The following CTNNA2 variants were observed in gnomAD, a reference collection of about 807,000 sequenced individuals.
The protein encoded by CTNNA2 is catenin alpha 2.
A neutral mutation model predicts 101.0 loss-of-function variants in CTNNA2; 42 were observed. The ratio of observed to expected loss-of-function variants is 0.42; its 90% CI spans 0.32 to 0.54. The LOEUF (loss-of-function observed/expected upper bound fraction) is 0.54. CTNNA2 is among the 20% of genes least tolerant of loss of function. The pLI is 0.14. For synonymous variants in CTNNA2, 450 were observed against 456.4 expected, an observed-to-expected ratio of 0.99 and a Z score of 0.18; for missense variants, 871 against 1,223.1, an observed-to-expected ratio of 0.71 and a Z score of 4.29.
chr2:79,982,181 G>T (rs1691323262), intron 7 of CTNNA2, among the ~76,000 whole-genome samples: 1 of 104,016 alleles, frequency 9.6e-6, no homozygotes, highest in Non-Finnish European at 1.8e-5. Flanking sequence ...TGAGACCACA[G>T]GCATGTGCCA....
At chr2:79,815,988 A>G (rs1300993667) in intron 3 of CTNNA2, among the ~76,000 whole-genome samples, 1 of 137,294 alleles carries the variant, frequency 7.3e-6, no homozygotes, top group African/African-American at 3.2e-5. Context: ...GGTTAGGTGT[A>G]TTCCTAAGTA....
chr2:79,624,870 G>T (rs60772909), intron 1 of CTNNA2, among the ~76,000 whole-genome samples: 2 of 152,164 alleles, frequency 1.3e-5, no homozygotes, highest in African/African-American at 4.8e-5. Context: ...TTCTGCCCCA[G>T]TCTGGGCATG....
intron 7 of CTNNA2, among the ~76,000 whole-genome samples, chr2:80,040,752 A>G (rs533622422): frequency 6.6e-6 from 1 of 152,304 alleles, no homozygotes; most frequent in South Asian, 2.1e-4. Flanking sequence ...CGAAGATTTT[A>G]CTGTCTCAAT....
chr2:79,303,660 A>G (rs78253881), intron 2 of CTNNA2, among the ~76,000 whole-genome samples: 1 of 151,994 alleles, frequency 6.6e-6, no homozygotes, highest in African/African-American at 2.4e-5. Flanking sequence ...AGCCCTGATG[A>G]GGAAAGGGTT....
intron 2 of CTNNA2, among the ~76,000 whole-genome samples, chr2:79,656,662 A>C (rs555034407): frequency 6.6e-6 from 1 of 152,178 alleles, no homozygotes; most frequent in Admixed American, 6.6e-5. Context: ...GAAATTGTAC[A>C]TTATTAAAAT....
rs1682796644 is a variant in CTNNA2, at chr2:79,873,947, G to A, written c.586-129G>A. ...ACAAAAGAGTATATGCAAAGGCCTGGCAGCTAGAAACAGCACAAGGGTTTC... is the reference window on the plus strand; with the variant it reads ...ACAAAAGAGTATATGCAAAGGCCTGACAGCTAGAAACAGCACAAGGGTTTC... On this transcript the variant is annotated intron_variant, in intron 5 of 18. Transcript: ENST00000402739. 1.3e-4 allele frequency: 184 copies of A among 1,400,460 alleles called. 2 individuals carry two copies. The South Asian group carries it at 2.4e-3, about 18-fold the overall frequency. 86.8% of individuals were successfully genotyped at this position (1,400,460 alleles called of 1,614,324 possible). A position where few individuals can be genotyped will look rare whatever the true frequency, so the allele number is the denominator to read the frequency against.
intron 4 of CTNNA2, among the ~76,000 whole-genome samples, chr2:79,500,379 C>T (rs915083106): frequency 2.0e-5 from 3 of 152,256 alleles, no homozygotes; most frequent in Middle Eastern, 3.4e-3. Flanking sequence ...GGGATACAAA[C>T]AGTAATTATA....
At chr2:79,538,349 A>AT (rs201323583) in intron 1 of CTNNA2, among the ~76,000 whole-genome samples, 3,497 of 152,200 alleles carry the variant, frequency 0.023, 149 homozygotes, top group African/African-American at 0.081. Flanking sequence ...AGCTGTTATG[A>AT]TTTTTTTCTC....
chr2:79,275,329 C>T (rs532725709), intron 2 of CTNNA2, among the ~76,000 whole-genome samples: 11 of 151,828 alleles, frequency 7.2e-5, no homozygotes, highest in South Asian at 4.2e-4. Flanking sequence ...TGGACTGATA[C>T]GGGAATGGCC....
intron 9 of CTNNA2, among the ~76,000 whole-genome samples, chr2:80,431,194 G>T (rs1022325028): frequency 6.6e-5 from 10 of 152,098 alleles, no homozygotes; most frequent in African/African-American, 2.4e-4. Flanking sequence ...TGAGTTTTCA[G>T]GTTTCTTTGA....
At chr2:80,601,417 C>CTTTTTTTTTGTTTTTTTT (rs375645223) in intron 15 of CTNNA2, among the ~76,000 whole-genome samples, 1 of 94,198 alleles carries the variant, frequency 1.1e-5, no homozygotes, top group Non-Finnish European at 2.2e-5. Context: ...TTCTTTCTTT[C>CTTTTTTTTTGTTTTTTTT]TTTCTTTTTT....
At chr2:79,982,377 CAT>C (rs757309908) in intron 7 of CTNNA2, among the ~76,000 whole-genome samples, 2 of 73,090 alleles carry the variant, frequency 2.7e-5, no homozygotes, top group Non-Finnish European at 3.3e-5. Context: ...ATATATATAA[CAT>C]ATATAACATA....
At chr2:80,250,302 A>T (rs1472097580) in intron 7 of CTNNA2, among the ~76,000 whole-genome samples, 3 of 151,960 alleles carry the variant, frequency 2.0e-5, no homozygotes, top group Non-Finnish European at 4.4e-5. Context: ...TGCCCAGGAG[A>T]TCAGCAGCTC....
intron 7 of CTNNA2, among the ~76,000 whole-genome samples, chr2:79,926,647 A>G (rs1228776509): frequency 6.6e-6 from 1 of 152,076 alleles, no homozygotes; most frequent in Non-Finnish European, 1.5e-5. Flanking sequence ...TTATTATAGT[A>G]TAACAGTGCT....
chr2:80,252,088 C>T (rs1235370743), intron 7 of CTNNA2, among the ~76,000 whole-genome samples: 2 of 152,074 alleles, frequency 1.3e-5, no homozygotes, highest in Non-Finnish European at 2.9e-5. Flanking sequence ...GTTGCTTAGA[C>T]CTCTATTATA....
intron 12 of CTNNA2, among the ~76,000 whole-genome samples, chr2:80,557,275 C>A (rs1202803191): frequency 6.6e-6 from 1 of 152,188 alleles, no homozygotes; most frequent in Non-Finnish European, 1.5e-5. Flanking sequence ...TAAGCTTGCC[C>A]TTTGCATTCA....
At chr2:79,970,417 A>G (rs1032910099) in intron 7 of CTNNA2, among the ~76,000 whole-genome samples, 8 of 152,114 alleles carry the variant, frequency 5.3e-5, no homozygotes, top group Admixed American at 3.3e-4. Flanking sequence ...ATAATTCCAA[A>G]TATTTCTGGC....
chr2:80,523,861 C>T (rs1357698774), intron 9 of CTNNA2, among the ~76,000 whole-genome samples: 2 of 152,138 alleles, frequency 1.3e-5, no homozygotes, highest in Non-Finnish European at 2.9e-5. Context: ...GGTAAGATTT[C>T]AGAGTAAGGG....
chr2:80,101,596 G>A (rs1463414467), intron 7 of CTNNA2, among the ~76,000 whole-genome samples: 1 of 152,136 alleles, frequency 6.6e-6, no homozygotes, highest in Non-Finnish European at 1.5e-5. Context: ...AAACAAAATG[G>A]TTTGGGCAGT....
Sources: allele counts gnomAD v4.1 joint callset (sites outside exome capture counted in the v4.1 genomes callset), GRCh38; gene constraint gnomAD v4.1.1; transcripts MANE v1.5; gene names NCBI Gene and HGNC (gene_info 2026-07-23, HGNC 2026-07-21).